DAB1: variants seen among roughly 807,000 people sequenced by gnomAD.
DAB1 encodes DAB adaptor protein 1, also known as disabled homolog 1.
DAB1 carries 15 observed loss-of-function variants against 64.6 expected under a neutral mutation model. The observed-to-expected ratio is 0.23, with a 90% CI of 0.16 to 0.36. DAB1 has a LOEUF of 0.36. Among genes scored for constraint, DAB1 ranks in the 10% least tolerant of loss-of-function variants. The pLI, the probability that DAB1 is intolerant of heterozygous loss-of-function variation, is 1.00. For synonymous variants in DAB1, 235 were observed against 251.9 expected (o/e 0.93, Z 0.64); for missense variants, 596 against 706.7 (o/e 0.84, Z 1.78).
chr1:57,678,982 A>C (rs1338080639), intron 6 of DAB1, among the ~76,000 whole-genome samples: 2 of 151,774 alleles, frequency 1.3e-5, no homozygotes, highest in Admixed American at 6.6e-5. Flanking sequence ...TGTGTTAGCC[A>C]GGAAGGTCTC....
At chr1:57,527,547 CT>C (rs1385864460) in intron 7 of DAB1, among the ~76,000 whole-genome samples, 1 of 152,146 alleles carries the variant, frequency 6.6e-6, no homozygotes. Context: ...GGTTAATACT[CT>C]TTCTACTGAA....
At chr1:57,193,892 A>C (rs185074668) in intron 2 of DAB1, among the ~76,000 whole-genome samples, 3 of 152,358 alleles carry the variant, frequency 2.0e-5, no homozygotes, top group Admixed American at 1.3e-4. Context: ...GCCTTAGCCA[A>C]GTTACTTAAC....
chr1:57,440,921 G>C (rs780946795), intron 7 of DAB1, among the ~76,000 whole-genome samples: 18 of 152,046 alleles, frequency 1.2e-4, no homozygotes, highest in Non-Finnish European at 2.6e-4. Flanking sequence ...GGTTTGTTAC[G>C]TGGGTGTACA....
chr1:58,403,517 C>CAATGT (rs1644590495), intron 3 of DAB1, among the ~76,000 whole-genome samples: 1 of 152,186 alleles, frequency 6.6e-6, no homozygotes, highest in Non-Finnish European at 1.5e-5. Flanking sequence ...TAACCCTCAG[C>CAATGT]AATGTCAACT....
At chr1:58,320,913 A>G (rs888737884) in intron 4 of DAB1, among the ~76,000 whole-genome samples, 3 of 152,156 alleles carry the variant, frequency 2.0e-5, no homozygotes, top group African/African-American at 4.8e-5. Context: ...AAGCCAGCTC[A>G]TTCTCCTCCT....
chr1:57,252,544 A>G (rs1483040975), intron 2 of DAB1, among the ~76,000 whole-genome samples: 2 of 152,230 alleles, frequency 1.3e-5, no homozygotes, highest in Non-Finnish European at 2.9e-5. Flanking sequence ...TTGTTTATGT[A>G]CCCAACAAAC....
chr1:58,222,039 A>G (rs1659198749), intron 4 of DAB1, among the ~76,000 whole-genome samples: 1 of 152,248 alleles, frequency 6.6e-6, no homozygotes, highest in African/African-American at 2.4e-5. Flanking sequence ...CCATTAGAAT[A>G]TGCTTTAGGC....
At chr1:57,449,560 G>T (rs1155680) in intron 7 of DAB1, among the ~76,000 whole-genome samples, 45,724 of 151,746 alleles carry the variant, frequency 0.3, 8,252 homozygotes, top group Non-Finnish European at 0.43. Flanking sequence ...TTTATTTTTT[G>T]TAGAGATGGG....
At chr1:57,897,902 C>T (rs1166395073) in intron 5 of DAB1, among the ~76,000 whole-genome samples, 1 of 152,124 alleles carries the variant, frequency 6.6e-6, no homozygotes, top group Non-Finnish European at 1.5e-5. Flanking sequence ...TCCAGTTTAT[C>T]TGGGAAAGGA....
chr1:57,258,666 A>G (rs1032490884), intron 2 of DAB1, among the ~76,000 whole-genome samples: 21 of 152,176 alleles, frequency 1.4e-4, no homozygotes, highest in African/African-American at 4.6e-4. Flanking sequence ...CTGCTAGCCC[A>G]ATTACGCAAA....
intron 7 of DAB1, among the ~76,000 whole-genome samples, chr1:57,555,391 G>T (rs1570622628): frequency 3.1e-5 from 4 of 128,812 alleles, no homozygotes; most frequent in Admixed American, 7.8e-5. Flanking sequence ...CTGTCTCTGG[G>T]TTTTTTTTTT....
chr1:57,660,580 C>T (rs1239995114), intron 6 of DAB1, among the ~76,000 whole-genome samples: 1 of 152,182 alleles, frequency 6.6e-6, no homozygotes, highest in Non-Finnish European at 1.5e-5. Context: ...TAAAGACATG[C>T]TGCGTGACAG....
At chr1:57,011,359 T>C (rs1646261093) in intron 12 of DAB1, 87 bp from the exon 13 acceptor site, 3 of 1,490,372 alleles carry the variant, frequency 2.0e-6, no homozygotes, top group African/African-American at 1.4e-5. Context: ...TCTGCTTATA[T>C]TGAAGTCAAA....
intron 7 of DAB1, among the ~76,000 whole-genome samples, chr1:57,446,441 T>TA (rs1393498260): frequency 6.6e-6 from 1 of 151,730 alleles, no homozygotes; most frequent in Non-Finnish European, 1.5e-5. Context: ...CTACTAAAAA[T>TA]AAAAAATTAG....
In DAB1 at chr1:57,686,214, A is replaced by G. The variant is rs890461315; in HGVS notation, n.552-36549T>C. On this transcript the variant is annotated intron_variant and non_coding_transcript_variant, in intron 6 of 20. Transcript: ENST00000485760. ...AGTATAATCAGAAATGACAAAGATG[A>G]CATTACAACCAATCCCACAGATATA... 2.6e-5 allele frequency among the ~76,000 whole-genome samples: 4 copies of G among 152,216 alleles called. No individual in the cohort carries two copies. In the East Asian group the frequency reaches 7.7e-4, roughly 29 times the overall value.
intron 2 of DAB1, among the ~76,000 whole-genome samples, chr1:57,181,141 C>T (rs779864450): frequency 5.9e-5 from 9 of 152,062 alleles, no homozygotes; most frequent in Admixed American, 6.6e-5. Context: ...ATGTAGTAGA[C>T]GCTTGATAAA....
chr1:57,847,021 C>T lies in DAB1; in HGVS notation n.88-20566G>A, dbSNP rs563184178. Among the ~76,000 whole-genome samples, 9 of 152,244 alleles carry T rather than the reference C, an allele frequency of 5.9e-5. No individual in the cohort carries two copies. In the East Asian group the frequency reaches 1.5e-3, roughly 26 times the overall value. ...TAGGAGATGGGGCTAGATAAGCAGA[C>T]TGGGACCCACTTGTGAAGCACAGAA... On this transcript the variant is annotated intron_variant and non_coding_transcript_variant, in intron 1 of 1. Coordinates refer to the DAB1 transcript ENST00000477280.
At chr1:57,334,635 G>A (rs1676937616) in intron 1 of DAB1, among the ~76,000 whole-genome samples, 1 of 152,140 alleles carries the variant, frequency 6.6e-6, no homozygotes, top group African/African-American at 2.4e-5. Flanking sequence ...GAATAATGTC[G>A]ATGACATAAT....
intron 7 of DAB1, among the ~76,000 whole-genome samples, chr1:57,527,193 G>C (rs991888892): frequency 4.6e-5 from 7 of 152,084 alleles, no homozygotes; most frequent in Non-Finnish European, 1.0e-4. Context: ...CCTTGAAATT[G>C]TCCAAGACGC....
Sources: allele counts gnomAD v4.1 joint callset (sites outside exome capture counted in the v4.1 genomes callset), GRCh38; gene constraint gnomAD v4.1.1; transcripts MANE v1.5; gene names NCBI Gene and HGNC (gene_info 2026-07-23, HGNC 2026-07-21).